Variants in TRAF5 observed in about 807,000 individuals in gnomAD.
TRAF5 encodes TNF receptor-associated factor 5.
TRAF5 carries 48 observed loss-of-function variants against 64.5 expected under a neutral mutation model. The observed-to-expected ratio is 0.74, with a 90% confidence interval of 0.59 to 0.95. The LOEUF is 0.95. TRAF5 is among the 40% of genes least tolerant of loss of function. The pLI, the probability that TRAF5 is intolerant of heterozygous loss-of-function variation, is 0.00. For missense variants in TRAF5, 545 were observed against 662.8 expected (o/e 0.82, Z 1.95); for synonymous variants, 206 against 240.5 (o/e 0.86, Z 1.33).
chr1:211,343,263 A>C (rs1324388875), intron 1 of TRAF5, among the ~76,000 whole-genome samples: 1 of 151,930 alleles, frequency 6.6e-6, no homozygotes, highest in Non-Finnish European at 1.5e-5. Context: ...AGGCAAGTCT[A>C]CTCCAGAGTT....
chr1:211,341,336 G>C, intron 1 of TRAF5, among the ~76,000 whole-genome samples: 1 of 152,196 alleles, frequency 6.6e-6, no homozygotes, highest in Non-Finnish European at 1.5e-5. Context: ...GGATCAGGGA[G>C]TTTCAAGAAG....
At chr1:211,335,586 G>A (rs575631090) in intron 1 of TRAF5, among the ~76,000 whole-genome samples, 82 of 152,264 alleles carry the variant, frequency 5.4e-4, no homozygotes, top group Non-Finnish European at 8.1e-4. Flanking sequence ...GTGGTTAAAG[G>A]GCATGTCATA....
At chr1:211,326,678 G>A, upstream of TRAF5, 1 of 986,128 alleles carries the variant, frequency 1.0e-6, no homozygotes, top group Non-Finnish European at 1.2e-6. The surrounding 1 kb of genome is among the most constrained non-coding windows in gnomAD (Gnocchi z 5.0). Flanking sequence ...AAGCGGGTAG[G>A]TTAGCTTTCC....
rs138741879 is a variant in TRAF5, at chr1:211,335,274, C to A, written c.-2+8385C>A. Among the ~76,000 whole-genome samples, 288 of 152,186 alleles carry A rather than the reference C, an allele frequency of 1.9e-3. 1 individual carries two copies. The highest frequency in any genetic ancestry group is 6.6e-3 in the African/African-American group (275 of 41,518). ...TGTCATCCCCTCAGCTTTGGGTTCC[C>A]GATCTGTAAAATATGAAGATGAATA... On this transcript the variant is annotated intron_variant, in intron 1 of 10. Coordinates refer to ENST00000261464, the MANE Select transcript of TRAF5 (RefSeq NM_001033910.3).
chr1:211,340,621 G>A (rs567808848), intron 1 of TRAF5, among the ~76,000 whole-genome samples: 1 of 152,332 alleles, frequency 6.6e-6, no homozygotes, highest in African/African-American at 2.4e-5. Context: ...CTTGCATAAT[G>A]TCTTCGGGAA....
chr1:211,327,465 C>G (rs1316434618), intron 1 of TRAF5, among the ~76,000 whole-genome samples: 2 of 152,200 alleles, frequency 1.3e-5, no homozygotes, highest in African/African-American at 2.4e-5. Flanking sequence ...TACCCCCCTC[C>G]CCCAGAAGGC....
rs1703609164 is a variant in TRAF5 at position 211,373,698 on chromosome 1, C to T, written c.*996C>T. 1 of 152,190 alleles carries T rather than the reference C, an allele frequency of 6.6e-6. No individual in the cohort carries two copies. The highest frequency in any genetic ancestry group is 6.6e-5 in the Admixed American group (1 of 15,266). The allele number at this position is 152,190 out of a possible 1,614,324, so 9.4% of individuals were successfully genotyped here. ...TTCCTATGGGTGTCAGAAGTACTCT[C>T]AGCGAAAACTGATGGCTAAAACAGT... On this transcript the variant is annotated 3_prime_UTR_variant, in exon 11 of 11. Coordinates refer to ENST00000261464, the MANE Select transcript of TRAF5 (RefSeq NM_001033910.3).
At chr1:211,364,194 C>CA (rs201610484) in intron 7 of TRAF5, among the ~76,000 whole-genome samples, 35 of 151,000 alleles carry the variant, frequency 2.3e-4, no homozygotes, top group African/African-American at 6.8e-4. Context: ...AGGCAGTCTA[C>CA]AAAAAAAAAT....
intron 8 of TRAF5, 119 bp downstream of exon 8, chr1:211,365,587 T>C: frequency 1.3e-6 from 1 of 797,858 alleles, no homozygotes; most frequent in South Asian, 2.0e-5. Flanking sequence ...GAGGTAGATG[T>C]TTTTCTATTA....
At chr1:211,327,456 A>AC (rs1468627000) in intron 1 of TRAF5, among the ~76,000 whole-genome samples, 2 of 151,808 alleles carry the variant, frequency 1.3e-5, no homozygotes, top group Non-Finnish European at 2.9e-5. Context: ...GAAAGCAGCT[A>AC]CCCCCCTCCC....
At chr1:211,371,887 C>CA (rs2102776027) in intron 10 of TRAF5, among the ~76,000 whole-genome samples, 1 of 152,320 alleles carries the variant, frequency 6.6e-6, no homozygotes, top group South Asian at 2.1e-4. Context: ...GTTGAATGCT[C>CA]AGTGTGTCTT....
chr1:211,362,620 C>A (rs1703221146), intron 7 of TRAF5, among the ~76,000 whole-genome samples: 1 of 152,082 alleles, frequency 6.6e-6, no homozygotes, highest in Non-Finnish European at 1.5e-5. Context: ...GCCAAGGTTG[C>A]AGTGAGCCAA....
chr1:211,354,379 ACT>A (rs779110780), intron 2 of TRAF5, 29 bp from the exon 3 acceptor site: 2 of 1,610,822 alleles, frequency 1.2e-6, no homozygotes, highest in South Asian at 2.2e-5. Flanking sequence ...TAAACAACTA[ACT>A]CTGGCTCCAT....
chr1:211,366,075 A>G lies in TRAF5; in HGVS notation c.789+607A>G, dbSNP rs529648279. On this transcript the variant is annotated intron_variant, in intron 8 of 10. Coordinates refer to ENST00000261464, the MANE Select transcript of TRAF5 (RefSeq NM_001033910.3). ...GCCTGTGGCATTCCTATTAACCTCAATAAATGCTGATTCTATTGAGCAATT... is the reference window on the plus strand; with the variant it reads ...GCCTGTGGCATTCCTATTAACCTCAGTAAATGCTGATTCTATTGAGCAATT... Among the ~76,000 whole-genome samples the G allele has an allele frequency of 2.6e-5, 4 of 152,362 alleles. No homozygotes were observed. The South Asian group carries it at 6.2e-4, about 24-fold the overall frequency.
chr1:211,350,202 T>A lies in TRAF5; in HGVS notation c.-1-3037T>A, dbSNP rs1346182808. Among the ~76,000 whole-genome samples, 67 of 144,626 alleles carry A rather than the reference T, an allele frequency of 4.6e-4. 1 individual carries two copies. The highest frequency in any genetic ancestry group is 1.1e-4 in the Non-Finnish European group (7 of 65,384). 94.9% of individuals were successfully genotyped at this position (144,626 alleles called of 152,430 possible). On this transcript the variant is annotated intron_variant, in intron 1 of 10. Coordinates refer to ENST00000261464, the MANE Select transcript of TRAF5 (RefSeq NM_001033910.3). The stretch of plus-strand genomic sequence containing the variant: ...GGAGCTTTGGTCTCAAACCCCAGGC[T>A]TTTTTTTTTTTCTTTCTTTTTTTTT...
chr1:211,369,724 C>T, intron 9 of TRAF5, 132 bp downstream of exon 9: 1 of 1,051,504 alleles, frequency 9.5e-7, no homozygotes. Context: ...GTGCAAAGAA[C>T]ACTTGTATAA....
chr1:211,349,300 T>C (rs1702709943), intron 1 of TRAF5, among the ~76,000 whole-genome samples: 1 of 152,180 alleles, frequency 6.6e-6, no homozygotes, highest in Non-Finnish European at 1.5e-5. Context: ...AGAACAAAAA[T>C]GTATTTCTCA....
intron 1 of TRAF5, among the ~76,000 whole-genome samples, chr1:211,352,981 T>G (rs1156393222): frequency 6.6e-6 from 1 of 152,196 alleles, no homozygotes; most frequent in African/African-American, 2.4e-5. Flanking sequence ...AAAAGACTGA[T>G]GGACAAAGAA....
In TRAF5 at chr1:211,372,277, AAG is replaced by A. The variant is rs756183569; in HGVS notation, c.1256_1257del (p.Glu419GlyfsTer26). The A allele has an allele frequency of 2.5e-6, 4 of 1,614,170 alleles. No homozygotes were observed. Among genetic ancestry groups the A allele is most frequent in the Non-Finnish European group, 3.4e-6 (4 of 1,180,028 alleles). ...IWKVTDYKMK[K>X]REAVDGHTVS... ...GAAGGTGACAGATTACAAGATGAAGAAGAGAGAGGCGGTGGATGGGCACACAG... is the reference window on the plus strand; with the variant it reads ...GAAGGTGACAGATTACAAGATGAAGAAGAGAGGCGGTGGATGGGCACACAG... On this transcript the variant is annotated frameshift_variant, in exon 11 of 11. Coordinates refer to ENST00000261464, the MANE Select transcript of TRAF5 (RefSeq NM_001033910.3). LOFTEE classifies it high-confidence loss of function.
Sources: allele counts gnomAD v4.1 joint callset (sites outside exome capture counted in the v4.1 genomes callset), GRCh38; gene constraint gnomAD v4.1.1; non-coding constraint Gnocchi (gnomAD v3.1); transcripts MANE v1.5; gene names NCBI Gene and HGNC (gene_info 2026-07-23, HGNC 2026-07-21).